TENM4: variants seen among roughly 807,000 people sequenced by gnomAD.
TENM4 encodes teneurin-4.
TENM4 carries 82 observed loss-of-function variants against 243.3 expected under a neutral mutation model. The observed-to-expected ratio is 0.34, with a 90% CI of 0.28 to 0.40. The LOEUF is 0.40. TENM4 is among the 10% of genes least tolerant of loss of function. The pLI is 1.00. For synonymous variants in TENM4, 1,412 were observed against 1,456.3 expected, an observed-to-expected ratio of 0.97 and a Z score of 0.69; for missense variants, 3,138 against 3,673.3, an observed-to-expected ratio of 0.85 and a Z score of 3.77.
At chr11:79,392,464 C>T (rs184366153) in intron 1 of TENM4, among the ~76,000 whole-genome samples, 131 of 152,336 alleles carry the variant, frequency 8.6e-4, no homozygotes, top group Admixed American at 1.4e-3. Flanking sequence ...GTGAAAGTCC[C>T]TTTAGAAAAG....
intron 6 of TENM4, among the ~76,000 whole-genome samples, chr11:79,009,615 A>G (rs1217909203): frequency 6.6e-6 from 1 of 152,188 alleles, no homozygotes; most frequent in Admixed American, 6.5e-5. Flanking sequence ...TTTTTAGGCC[A>G]TAGGATCACT....
At chr11:79,411,125 G>A (rs925218784) in intron 1 of TENM4, among the ~76,000 whole-genome samples, 2 of 152,168 alleles carry the variant, frequency 1.3e-5, no homozygotes, top group African/African-American at 4.8e-5. Flanking sequence ...GAGGCTCAGA[G>A]AGGGTAAGTT....
Position 78,729,642 on chromosome 11 carries a change from G to A in TENM4, c.3140C>T (p.Ala1047Val), listed in dbSNP as rs199949924. The A allele has an allele frequency of 2.7e-5, 44 of 1,606,028 alleles. No homozygotes were observed. Among genetic ancestry groups the A allele is most frequent in the Non-Finnish European group, 1.4e-5 (17 of 1,175,082 alleles). Residue 1047 changes from alanine to valine, a missense_variant and splice_region_variant, in exon 22 of 34, where the codon GCT becomes GTT. This residue lies in a region of TENM4 where 2,467 missense variants were observed against 3,059.1 expected (regional missense o/e 0.81). Transcript: ENST00000278550. The stretch of plus-strand genomic sequence containing the variant: ...AGAGATAGAGATTTCCTCCTGCAAA[G>A]CCTAGAAAGCAGAGGCAGATCACAG... ...EKGPIVPEIQ[A>V]LQEEISISGC...
chr11:79,334,645 A>C (rs150919909), intron 1 of TENM4, among the ~76,000 whole-genome samples: 154 of 152,322 alleles, frequency 1.0e-3, no homozygotes, highest in African/African-American at 3.6e-3. Context: ...GCATTTTGCA[A>C]GATAGGTTCA....
intron 6 of TENM4, among the ~76,000 whole-genome samples, chr11:79,051,359 C>T (rs1859786428): frequency 6.6e-6 from 1 of 152,162 alleles, no homozygotes; most frequent in Admixed American, 6.5e-5. Flanking sequence ...AGTGGAAGTG[C>T]TAGGGTTCCA....
intron 19 of TENM4, among the ~76,000 whole-genome samples, chr11:78,751,757 C>A (rs1403770788): frequency 1.3e-5 from 2 of 152,314 alleles, no homozygotes; most frequent in African/African-American, 4.8e-5. Context: ...GGCTCGAGTG[C>A]TTGCCCAGGA....
Position 78,657,457 on chromosome 11 carries a change from T to G in TENM4, c.*601A>C. ...AAAGGTGCTGAACAACACCATGAAA[T>G]TCCCTGGAGCAAGATGAAGCCATCT... On this transcript the variant is annotated 3_prime_UTR_variant, in exon 34 of 34. Coordinates refer to ENST00000278550, the MANE Select transcript of TENM4 (RefSeq NM_001098816.3). 5.9e-6 allele frequency: 2 copies of G among 339,654 alleles called. No homozygotes were observed. The highest frequency in any genetic ancestry group is 4.4e-5 in the East Asian group (1 of 22,570). The allele number at this position is 339,654 out of a possible 1,614,324, so 21.0% of individuals were successfully genotyped here.
chr11:78,722,183 T>A (rs1855400244), intron 24 of TENM4, among the ~76,000 whole-genome samples: 1 of 152,142 alleles, frequency 6.6e-6, no homozygotes, highest in African/African-American at 2.4e-5. Flanking sequence ...GCTAATTTTT[T>A]AAATTATTTT....
At chr11:79,376,110 T>A (rs186076348) in intron 1 of TENM4, among the ~76,000 whole-genome samples, 22 of 152,332 alleles carry the variant, frequency 1.4e-4, no homozygotes, top group African/African-American at 4.3e-4. Context: ...TGCTGGCCAG[T>A]CTGCCTGTCT....
At chr11:78,833,989 C>G (rs1858041158) in intron 12 of TENM4, among the ~76,000 whole-genome samples, 1 of 152,200 alleles carries the variant, frequency 6.6e-6, no homozygotes, top group African/African-American at 2.4e-5. Flanking sequence ...AAAAAGTTAA[C>G]TAGGTTGGCC....
chr11:78,876,738 T>A (rs970648003), intron 9 of TENM4, among the ~76,000 whole-genome samples: 2 of 152,224 alleles, frequency 1.3e-5, no homozygotes, highest in Non-Finnish European at 2.9e-5. Context: ...TCTGGCTTTG[T>A]CTGCTCCTCA....
rs201567517 is a variant in TENM4, at chr11:78,805,487, A to C, written c.1984T>G (p.Cys662Gly). 1 of 1,576,586 alleles carries C rather than the reference A, an allele frequency of 6.3e-7. No homozygotes were observed. The highest frequency in any genetic ancestry group is 1.8e-5 in the Admixed American group (1 of 54,744). ...CGGCCTGAACATGTGGGGTCCATGC[A>C]GTCCACTGTGAGATGGAGGAAGGAG... Reference protein sequence around the residue: ...YKGESCEEVDCMDPTCSGRGV... With the variant: ...YKGESCEEVDGMDPTCSGRGV... Residue 662 changes from cysteine to glycine, a missense_variant, in exon 15 of 34, where the codon TGC becomes GGC. Cys to Gly is a radical substitution (Grantham distance 159, BLOSUM62 -3). Around this residue, in one of 2 missense-constraint regions of TENM4, gnomAD observed 2,467 missense variants for 3,059.1 expected, o/e 0.81. Transcript: ENST00000278550.
intron 1 of TENM4, among the ~76,000 whole-genome samples, chr11:79,412,576 T>C (rs1858723759): frequency 6.6e-6 from 1 of 152,210 alleles, no homozygotes; most frequent in Admixed American, 6.5e-5. Flanking sequence ...ACATACGAGG[T>C]AGGAAAAGTA....
intron 1 of TENM4, among the ~76,000 whole-genome samples, chr11:79,415,281 G>T (rs1858788924): frequency 3.3e-5 from 5 of 152,312 alleles, no homozygotes; most frequent in Admixed American, 3.3e-4. Context: ...GAGCACTTTG[G>T]AAGCACTCAT....
Position 79,191,860 on chromosome 11 carries a change from C to T in TENM4, c.-163+23948G>A, listed in dbSNP as rs1008883830. 9 of 185,392 alleles carry T rather than the reference C, an allele frequency of 4.9e-5. No homozygotes were observed. In the East Asian group the frequency reaches 5.4e-4, roughly 11 times the overall value. 11.5% of individuals were successfully genotyped at this position (185,392 alleles called of 1,614,324 possible). On this transcript the variant is annotated intron_variant, in intron 3 of 33. Coordinates refer to ENST00000278550, the MANE Select transcript of TENM4 (RefSeq NM_001098816.3). ...GAGACCCTCTGCCTGGCAACCGCCC[C>T]GTCTGAGAAGTGAGGAGCCCCTCCG...
At chr11:79,116,997 T>C (rs1861635973) in intron 4 of TENM4, among the ~76,000 whole-genome samples, 1 of 152,238 alleles carries the variant, frequency 6.6e-6, no homozygotes, top group Non-Finnish European at 1.5e-5. Flanking sequence ...TCAAGTTGCC[T>C]GTGTCATTCT....
At chr11:79,222,776 A>G (rs1258354588) in intron 2 of TENM4, among the ~76,000 whole-genome samples, 3 of 152,118 alleles carry the variant, frequency 2.0e-5, no homozygotes, top group African/African-American at 4.8e-5. Flanking sequence ...CTTTTTTTAT[A>G]CATTTGCTGG....
At chr11:79,430,891 C>T (rs537597422) in intron 1 of TENM4, among the ~76,000 whole-genome samples, 1 of 152,254 alleles carries the variant, frequency 6.6e-6, no homozygotes, top group African/African-American at 2.4e-5. Context: ...TTAGAAAGAA[C>T]ATCTAGGCCT....
At chr11:79,331,676 G>T (rs1355989299) in intron 1 of TENM4, among the ~76,000 whole-genome samples, 1 of 152,196 alleles carries the variant, frequency 6.6e-6, no homozygotes, top group East Asian at 1.9e-4. Context: ...AAACGTAAGT[G>T]ACACATTAGC....
Sources: allele counts gnomAD v4.1 joint callset (sites outside exome capture counted in the v4.1 genomes callset), GRCh38; gene constraint gnomAD v4.1.1; regional missense constraint gnomAD v4.1.1; transcripts MANE v1.5; gene names NCBI Gene and HGNC (gene_info 2026-07-23, HGNC 2026-07-21).